LACTB2: variants seen among roughly 807,000 people sequenced by gnomAD.
The protein encoded by LACTB2 is lactamase beta 2.
A neutral mutation model predicts 34.8 loss-of-function variants in LACTB2; 32 were observed. That is an observed-to-expected ratio of 0.92 (90% CI 0.69 to 1.24). The LOEUF (loss-of-function observed/expected upper bound fraction) is 1.24, where lower values mean the gene tolerates loss of function less well. LACTB2 is among the 50% of genes most tolerant of loss of function. LACTB2 has a pLI of 0.00. For synonymous variants in LACTB2, 120 were observed against 117.5 expected (o/e 1.02, Z -0.14); for missense variants, 320 against 345.0 (o/e 0.93, Z 0.57).
At chr8:70,641,395 C>T (rs1006774260) in intron 4 of LACTB2, among the ~76,000 whole-genome samples, 3 of 152,046 alleles carry the variant, frequency 2.0e-5, no homozygotes, top group South Asian at 2.1e-4. Flanking sequence ...TAGGCACTGC[C>T]CTAAATGCTT....
At chr8:70,656,468 CT>C (rs1413318901) in intron 3 of LACTB2, among the ~76,000 whole-genome samples, 2 of 152,088 alleles carry the variant, frequency 1.3e-5, no homozygotes, top group East Asian at 3.8e-4. Flanking sequence ...GTTTTGTTTG[CT>C]TTGTCAAAGA....
chr8:70,664,565 A>C (rs761684425), intron 1 of LACTB2, among the ~76,000 whole-genome samples: 2 of 152,174 alleles, frequency 1.3e-5, no homozygotes, highest in Non-Finnish European at 2.9e-5. Context: ...AATTGATAAA[A>C]GAAGGGCTCT....
intron 1 of LACTB2, among the ~76,000 whole-genome samples, chr8:70,667,191 G>A (rs1818540879): frequency 6.6e-6 from 1 of 152,218 alleles, no homozygotes; most frequent in Non-Finnish European, 1.5e-5. Context: ...GAAGAATGTG[G>A]TGTTGGCAAA....
chr8:70,668,911 T>G, intron 1 of LACTB2, 88 bp downstream of exon 1: 1 of 1,519,854 alleles, frequency 6.6e-7, no homozygotes, highest in Non-Finnish European at 8.9e-7. Flanking sequence ...GACGCGGCGC[T>G]CTCCACTGCC....
intron 3 of LACTB2, chr8:70,646,064 C>T (rs1301493206): frequency 2.0e-5 from 3 of 152,130 alleles, no homozygotes; most frequent in African/African-American, 4.8e-5. Context: ...CCTGAGGAAT[C>T]GCCACACTGA....
intron 3 of LACTB2, among the ~76,000 whole-genome samples, chr8:70,656,199 C>T (rs1340912344): frequency 6.6e-6 from 1 of 152,154 alleles, no homozygotes; most frequent in African/African-American, 2.4e-5. Context: ...TAAGTCCCAA[C>T]TGTTTATCTT....
chr8:70,645,468 T>A (rs1345208297), intron 3 of LACTB2, among the ~76,000 whole-genome samples: 1 of 152,064 alleles, frequency 6.6e-6, no homozygotes, highest in African/African-American at 2.4e-5. Context: ...TTTCTTAACA[T>A]GCAGAAGGTG....
At chr8:70,649,218 A>G (rs1818306484) in intron 3 of LACTB2, among the ~76,000 whole-genome samples, 1 of 152,160 alleles carries the variant, frequency 6.6e-6, no homozygotes, top group South Asian at 2.1e-4. Flanking sequence ...AAGGAGATCC[A>G]ACACTGGAGA....
At chr8:70,639,439 C>T (rs1033687967) in intron 5 of LACTB2, among the ~76,000 whole-genome samples, 2 of 151,952 alleles carry the variant, frequency 1.3e-5, no homozygotes, top group Non-Finnish European at 2.9e-5. Flanking sequence ...GGATTACAGG[C>T]GTGAGCCACC....
chr8:70,641,639 C>A (rs1206001905), intron 4 of LACTB2, among the ~76,000 whole-genome samples: 1 of 152,096 alleles, frequency 6.6e-6, no homozygotes, highest in Non-Finnish European at 1.5e-5. Context: ...ATGTACATGA[C>A]CAAGCTCTAT....
chr8:70,668,465 C>T (rs1385975578), intron 1 of LACTB2, among the ~76,000 whole-genome samples: 1 of 152,216 alleles, frequency 6.6e-6, no homozygotes, highest in African/African-American at 2.4e-5. Flanking sequence ...AAAACTTCCC[C>T]AAATTACTTA....
intron 1 of LACTB2, among the ~76,000 whole-genome samples, chr8:70,663,634 G>A (rs1198474146): frequency 6.6e-6 from 1 of 152,122 alleles, no homozygotes; most frequent in East Asian, 1.9e-4. Flanking sequence ...AGATGTGGAA[G>A]GAGGGAAACA....
Position 70,644,064 on chromosome 8 carries a change from C to T in LACTB2, c.592+1G>A. The T allele has an allele frequency of 6.5e-7, 1 of 1,544,040 alleles. No individual in the cohort carries two copies. The highest frequency in any genetic ancestry group is 8.7e-7 in the Non-Finnish European group (1 of 1,149,056). On this transcript the variant is annotated splice_donor_variant, in intron 4 of 6. Coordinates refer to ENST00000276590, the MANE Select transcript of LACTB2 (RefSeq NM_016027.3). LOFTEE classifies it high-confidence loss of function. ...TATAAAAAAATTTAAAAATTACCCA[C>T]CTGGATATATAATATCAGCTTTGAT...
rs544557441 is a variant in LACTB2, at chr8:70,663,637, G to A, written c.123-1740C>T. On this transcript the variant is annotated intron_variant, in intron 1 of 6. Transcript: ENST00000276590. ...TGTTAAACAACGAGATGTGGAAGGA[G>A]GGAAACAGTTGGCGACTCTGAGGTT... 2.6e-5 allele frequency among the ~76,000 whole-genome samples: 4 copies of A among 152,244 alleles called. 1 individual carries two copies. The highest frequency in any genetic ancestry group is 2.6e-4 in the Admixed American group (4 of 15,278).
chr8:70,638,265 C>T (rs1818148307), intron 6 of LACTB2, among the ~76,000 whole-genome samples: 1 of 152,150 alleles, frequency 6.6e-6, no homozygotes. Context: ...GTTTTTGGGT[C>T]TGGGAGAAGA....
At chr8:70,640,845 A>T (rs1225968528) in intron 5 of LACTB2, 57 bp downstream of exon 5, 2 of 1,463,688 alleles carry the variant, frequency 1.4e-6, no homozygotes, top group Non-Finnish European at 1.8e-6. Flanking sequence ...ATAGTCTACT[A>T]AATAGATAAT....
chr8:70,657,686 C>G, intron 3 of LACTB2, 70 bp downstream of exon 3: 1 of 1,382,760 alleles, frequency 7.2e-7, no homozygotes, highest in South Asian at 1.6e-5. Context: ...ATGCTGGGAT[C>G]CTTCCATCCT....
At chr8:70,641,199 C>A in intron 4 of LACTB2, 149 bp from the exon 5 acceptor site, 1 of 708,994 alleles carries the variant, frequency 1.4e-6, no homozygotes, top group Non-Finnish European at 2.1e-6. Context: ...GAAAGCTATA[C>A]AGGTGAAAGA....
chr8:70,665,422 C>T (rs1818524503), intron 1 of LACTB2, among the ~76,000 whole-genome samples: 1 of 152,128 alleles, frequency 6.6e-6, no homozygotes, highest in Admixed American at 6.5e-5. Flanking sequence ...TATTTCATGT[C>T]AATATTAAGA....
Sources: gnomAD v4.1 joint callset for allele counts (sites outside exome capture counted in the v4.1 genomes callset) on GRCh38, gnomAD v4.1.1 for gene constraint, MANE v1.5 for transcripts, NCBI Gene and HGNC (gene_info 2026-07-23, HGNC 2026-07-21) for gene names.